The following NCAPD2 variants were observed in gnomAD, a reference collection of about 807,000 sequenced individuals.
NCAPD2 encodes non-SMC condensin I complex subunit D2, also known as condensin complex subunit 1.
NCAPD2 carries 100 observed loss-of-function variants against 164.5 expected under a neutral mutation model. The observed-to-expected ratio is 0.61, with a 90% confidence interval of 0.52 to 0.72. The LOEUF (loss-of-function observed/expected upper bound fraction) is 0.72. Ranked by LOEUF, NCAPD2 falls within the 30% of genes least tolerant of loss-of-function variation. The pLI, the probability that NCAPD2 is intolerant of heterozygous loss-of-function variation, is 0.00. For missense variants in NCAPD2, 1,560 were observed against 1,749.2 expected (o/e 0.89, Z 1.93); for synonymous variants, 585 against 642.6 (o/e 0.91, Z 1.36).
At chr12:6,501,661 A>G (rs1946038547) in intron 2 of NCAPD2, among the ~76,000 whole-genome samples, 1 of 152,176 alleles carries the variant, frequency 6.6e-6, no homozygotes, top group South Asian at 2.1e-4. Flanking sequence ...TGTAGACAGC[A>G]CTTAAAGCCA....
At chr12:6,511,303 C>G (rs778258155) in intron 6 of NCAPD2, 51 bp downstream of exon 6, 25 of 1,579,450 alleles carry the variant, frequency 1.6e-5, no homozygotes, top group Non-Finnish European at 2.1e-5. Context: ...GAGTGAGGCT[C>G]TGTTGATAGA....
At chr12:6,506,200 C>G (rs59745961) in intron 2 of NCAPD2, among the ~76,000 whole-genome samples, 1 of 152,246 alleles carries the variant, frequency 6.6e-6, no homozygotes, top group African/African-American at 2.4e-5. Flanking sequence ...TCAAGTGATC[C>G]TCCTGCCTCA....
At position 6,528,600 on chromosome 12, in the gene NCAPD2, C is replaced by G; in HGVS notation, c.3300-79C>G. On this transcript the variant is annotated intron_variant, in intron 25 of 31. Coordinates refer to ENST00000315579, the MANE Select transcript of NCAPD2 (RefSeq NM_014865.4). The surrounding 1 kb of genome is among the most constrained non-coding windows in gnomAD (Gnocchi z 5.1). ...GTGGCAGAGCATGGGATAATTGATT[C>G]CTGCTGAGGGCCTTTTCTACCAGTG... The G allele has an allele frequency of 2.7e-6, 4 of 1,467,930 alleles. No individual in the cohort carries two copies. In the African/African-American group the frequency reaches 5.6e-5, roughly 20 times the overall value. 90.9% of individuals were successfully genotyped at this position (1,467,930 alleles called of 1,614,324 possible).
At chr12:6,510,993 C>A in intron 5 of NCAPD2, 117 bp from the exon 6 acceptor site, 2 of 1,313,916 alleles carry the variant, frequency 1.5e-6, no homozygotes, top group African/African-American at 1.5e-5. Flanking sequence ...TGTAATATTT[C>A]TTCCGTATTA....
Position 6,526,059 on chromosome 12 carries a change from T to C in NCAPD2, c.2349-9T>C, listed in dbSNP as rs535855308. The C allele has an allele frequency of 1.4e-5, 23 of 1,613,356 alleles. No individual in the cohort carries two copies. The South Asian group carries it at 2.0e-4, about 14-fold the overall frequency. On this transcript the variant is annotated splice_polypyrimidine_tract_variant and intron_variant, in intron 18 of 31. Transcript: ENST00000315579. Reference sequence around the variant, plus strand: ...GACTGCCTTTAACTCTGTGGCTTCCTTCCCCTAGAGGAAAGCCAGAAATTG... The same window carrying C: ...GACTGCCTTTAACTCTGTGGCTTCCCTCCCCTAGAGGAAAGCCAGAAATTG...
chr12:6,518,684 C>T (rs1180308969), intron 13 of NCAPD2, among the ~76,000 whole-genome samples: 4 of 150,752 alleles, frequency 2.7e-5, no homozygotes, highest in African/African-American at 9.8e-5. Context: ...CCACACCGCA[C>T]TAATTTTTTT....
At position 6,528,224 on chromosome 12, in the gene NCAPD2, G is replaced by C; in HGVS notation, c.3195G>C (p.Lys1065Asn). 1 of 1,614,148 alleles carries C rather than the reference G, an allele frequency of 6.2e-7. No individual in the cohort carries two copies. Among genetic ancestry groups the C allele is most frequent in the Non-Finnish European group, 8.5e-7 (1 of 1,180,036 alleles). ...GTCTTCTGTTCACCATGCTGGAAAA[G>C]TCTCCACTTCCCATTGTCCGGTCTA... is the stretch of plus-strand genomic sequence containing the variant. ...QLRLLFTMLE[K>N]SPLPIVRSNL... Residue 1065 changes from lysine to asparagine, a missense_variant, in exon 25 of 32, where the codon AAG becomes AAC. Transcript: ENST00000315579. The surrounding 1 kb of genome is among the most constrained non-coding windows in gnomAD (Gnocchi z 5.1).
intron 21 of NCAPD2, 75 bp from the exon 22 acceptor site, chr12:6,526,816 A>G (rs1040105056): frequency 7.5e-5 from 114 of 1,511,440 alleles, no homozygotes; most frequent in Admixed American, 3.8e-5. Context: ...GGGGAAGATC[A>G]GTAAAAATCG....
chr12:6,531,372 C>T lies in NCAPD2; in HGVS notation c.4166C>T (p.Thr1389Ile). Residue 1389 changes from threonine to isoleucine, a missense_variant, in exon 32 of 32, where the codon ACT becomes ATT. By Grantham distance (89) the Thr-to-Ile change is moderately conservative. Coordinates refer to ENST00000315579, the MANE Select transcript of NCAPD2 (RefSeq NM_014865.4). The surrounding 1 kb of genome is among the most constrained non-coding windows in gnomAD (Gnocchi z 4.1). The stretch of plus-strand genomic sequence containing the variant: ...GAAGACGAGACACCCAAGAAAACAA[C>T]TCCCATTCTCAGAGCATCGGCTCGC... ...MTEDETPKKT[T>I]PILRASARRH... The T allele has an allele frequency of 6.2e-7, 1 of 1,613,980 alleles. No homozygotes were observed. Among genetic ancestry groups the T allele is most frequent in the Non-Finnish European group, 8.5e-7 (1 of 1,180,026 alleles).
At chr12:6,529,161 G>C (rs1946347902) in intron 27 of NCAPD2, 122 bp downstream of exon 27, 1 of 832,240 alleles carries the variant, frequency 1.2e-6, no homozygotes, top group South Asian at 1.7e-5. Flanking sequence ...CAATAACTTA[G>C]CCTCTCTTTG....
intron 17 of NCAPD2, 131 bp from the exon 18 acceptor site, chr12:6,525,452 C>T: frequency 3.7e-6 from 4 of 1,069,992 alleles, no homozygotes; most frequent in Non-Finnish European, 5.3e-6. Context: ...TTTTGAACCT[C>T]CTCTTTTCTT....
At chr12:6,515,918 G>A (rs747050825) in intron 9 of NCAPD2, among the ~76,000 whole-genome samples, 4 of 152,266 alleles carry the variant, frequency 2.6e-5, no homozygotes, top group South Asian at 4.2e-4. Flanking sequence ...GAGGCCAGGT[G>A]TGGTGGCTCA....
Position 6,526,535 on chromosome 12 carries a change from T to C in NCAPD2, c.2654T>C (p.Ile885Thr), listed in dbSNP as rs1468103619. 4 of 1,613,980 alleles carry C rather than the reference T, an allele frequency of 2.5e-6. No individual in the cohort carries two copies. Among genetic ancestry groups the C allele is most frequent in the Non-Finnish European group, 3.4e-6 (4 of 1,180,022 alleles). ...CAACTGGCAGAGGGCCCCGAAGTGA[T>C]CTGTGCCCAGATATTGCAGGGCTGT... ...IYQLAEGPEVICAQILQGCAK... is the reference protein window; with the variant it reads ...IYQLAEGPEVTCAQILQGCAK... Residue 885 changes from isoleucine to threonine, a missense_variant, in exon 21 of 32, where the codon ATC becomes ACC. Coordinates refer to ENST00000315579, the MANE Select transcript of NCAPD2 (RefSeq NM_014865.4).
chr12:6,511,356 G>C (rs901531528), intron 6 of NCAPD2, 104 bp downstream of exon 6: 32 of 1,341,108 alleles, frequency 2.4e-5, no homozygotes, highest in Non-Finnish European at 3.2e-5. Flanking sequence ...TGGGGGGACA[G>C]AGCTTCACTC....
chr12:6,499,410 C>T (rs768056443), intron 2 of NCAPD2, among the ~76,000 whole-genome samples: 10 of 151,658 alleles, frequency 6.6e-5, no homozygotes, highest in South Asian at 2.1e-4. Context: ...GTTCTGGAGA[C>T]GGAGTTTTGC....
chr12:6,509,847 A>G, intron 3 of NCAPD2, 55 bp downstream of exon 3: 1 of 1,568,066 alleles, frequency 6.4e-7, no homozygotes, highest in Non-Finnish European at 8.8e-7. Flanking sequence ...GTTTGTCCTA[A>G]CTGTGCATGT....
rs187474387 is a variant in NCAPD2 at position 6,517,616 on chromosome 12, C to T, written c.1341C>T (p.Ala447=). 1.0e-4 allele frequency: 164 copies of T among 1,614,186 alleles called. 1 individual carries two copies. In the South Asian group the frequency reaches 1.5e-3, roughly 15 times the overall value. The part of the protein sequence containing the change: ...FSCKLSDADL[A]GPLQKETQKL... Reference sequence around the variant, plus strand: ...GATAGCTTAGTGATGCTGACCTTGCCGGACCACTGCAGAAGGAGACCCAGA... The same window carrying T: ...GATAGCTTAGTGATGCTGACCTTGCTGGACCACTGCAGAAGGAGACCCAGA... The change falls in exon 12 of 32, where the codon GCC becomes GCT. Residue 447 remains alanine, a synonymous_variant. Transcript: ENST00000315579.
chr12:6,523,524 A>G (rs1365079659), intron 17 of NCAPD2, among the ~76,000 whole-genome samples, 178 bp downstream of exon 17: 1 of 148,942 alleles, frequency 6.7e-6, no homozygotes, highest in Admixed American at 6.8e-5. Context: ...CAGCCTCCCG[A>G]GTAACTGGAA....
At position 6,529,416 on chromosome 12, in the gene NCAPD2, A is replaced by G. The variant is rs1946350308; in HGVS notation, c.3573-97A>G. ...GACAGGGGCCGTGGCAGAGAACATC[A>G]GAGAAGACGAGTGCTGGGGGAGGGT... On this transcript the variant is annotated intron_variant, in intron 27 of 31. Coordinates refer to ENST00000315579, the MANE Select transcript of NCAPD2 (RefSeq NM_014865.4). 4.6e-6 allele frequency: 5 copies of G among 1,096,462 alleles called. No homozygotes were observed. In the South Asian group the frequency reaches 6.5e-5, roughly 14 times the overall value. 67.9% of individuals were successfully genotyped at this position (1,096,462 alleles called of 1,614,324 possible). A position where few individuals can be genotyped will look rare whatever the true frequency, so the allele number is the denominator to read the frequency against.
Sources: gnomAD v4.1 joint callset for allele counts (sites outside exome capture counted in the v4.1 genomes callset) on GRCh38, gnomAD v4.1.1 for gene constraint, Gnocchi (gnomAD v3.1) non-coding constraint, MANE v1.5 for transcripts, NCBI Gene and HGNC (gene_info 2026-07-23, HGNC 2026-07-21) for gene names.